SIRT5: variants seen among roughly 807,000 people sequenced by gnomAD.
SIRT5 encodes the protein NAD-dependent protein deacylase sirtuin-5, mitochondrial.
SIRT5 carries 26 observed loss-of-function variants against 40.0 expected under a neutral mutation model. That is an observed-to-expected ratio of 0.65 (90% confidence interval 0.48 to 0.90). SIRT5 has a LOEUF of 0.90. Ranked by LOEUF, SIRT5 falls within the 40% of genes least tolerant of loss-of-function variation. SIRT5 has a pLI of 0.00. For missense variants in SIRT5, 401 were observed against 402.4 expected, an observed-to-expected ratio of 1.00 and a Z score of 0.03; for synonymous variants, 146 against 149.1, an observed-to-expected ratio of 0.98 and a Z score of 0.15.
At chr6:13,584,367 T>C (rs1181322035) in intron 3 of SIRT5, 142 bp downstream of exon 3, 2 of 663,902 alleles carry the variant, frequency 3.0e-6, no homozygotes, top group African/African-American at 3.7e-5. Context: ...TCTTTTTTTT[T>C]TTGAGACGGA....
At chr6:13,606,826 C>T (rs940874015) in intron 9 of SIRT5, among the ~76,000 whole-genome samples, 6 of 152,030 alleles carry the variant, frequency 3.9e-5, no homozygotes, top group South Asian at 4.1e-4. Flanking sequence ...GGATTACAGG[C>T]GTGCACCACC....
In SIRT5 at chr6:13,607,902, C is replaced by T. The variant is rs1444268695; in HGVS notation, c.858-3888C>T. On this transcript the variant is annotated intron_variant, in intron 9 of 9. Coordinates refer to ENST00000606117, the MANE Select transcript of SIRT5 (RefSeq NM_012241.5). The surrounding 1 kb of genome is among the most constrained non-coding windows in gnomAD (Gnocchi z 4.0). ...CCAAGCAGCTAGGACTACAGGCGTG[C>T]GCCACCACACCCAGCTAATTTTTTG... Among the ~76,000 whole-genome samples the T allele has an allele frequency of 2.6e-5, 4 of 152,000 alleles. No individual in the cohort carries two copies. Among genetic ancestry groups the T allele is most frequent in the South Asian group, 4.1e-4 (2 of 4,826 alleles).
chr6:13,589,967 G>A (rs1484304695), intron 4 of SIRT5, among the ~76,000 whole-genome samples: 1 of 152,204 alleles, frequency 6.6e-6, no homozygotes, highest in Non-Finnish European at 1.5e-5. Context: ...CAGGCCATGT[G>A]TTCTAGGTGA....
chr6:13,587,674 C>T (rs757258403), intron 3 of SIRT5, among the ~76,000 whole-genome samples: 7 of 152,234 alleles, frequency 4.6e-5, no homozygotes, highest in East Asian at 1.9e-4. Flanking sequence ...TACTTCCTCT[C>T]GTGTTATTCT....
intron 9 of SIRT5, chr6:13,605,392 G>A: frequency 1.0e-6 from 1 of 985,100 alleles, no homozygotes; most frequent in Non-Finnish European, 1.2e-6. Flanking sequence ...TCTAACCCCT[G>A]CTCTAGGTTA....
intron 9 of SIRT5, chr6:13,605,336 G>A: frequency 1.1e-6 from 1 of 937,986 alleles, no homozygotes; most frequent in Non-Finnish European, 1.3e-6. Flanking sequence ...TGGCTGGTCT[G>A]CAAAGCCTAA....
At chr6:13,583,754 A>T (rs1432443385) in intron 2 of SIRT5, among the ~76,000 whole-genome samples, 1 of 152,230 alleles carries the variant, frequency 6.6e-6, no homozygotes, top group Non-Finnish European at 1.5e-5. Context: ...TCTGAGGTGG[A>T]ACCAGAGGCT....
chr6:13,593,679 TA>T (rs952327780), intron 5 of SIRT5, among the ~76,000 whole-genome samples: 1 of 152,236 alleles, frequency 6.6e-6, no homozygotes, highest in African/African-American at 2.4e-5. Context: ...ATCATGTTTT[TA>T]ATGTGGCATT....
intron 4 of SIRT5, among the ~76,000 whole-genome samples, chr6:13,590,543 G>A (rs1482283872): frequency 7.2e-6 from 1 of 137,982 alleles, no homozygotes; most frequent in East Asian, 2.0e-4. Flanking sequence ...GTGTGTGTAT[G>A]TAGATGTAAT....
At chr6:13,605,557 C>T in intron 9 of SIRT5, 1 of 985,378 alleles carries the variant, frequency 1.0e-6, no homozygotes, top group African/African-American at 1.7e-5. Context: ...GATTCTTTGC[C>T]CCAGTTCTAA....
At position 13,611,783 on chromosome 6, in the gene SIRT5, C is replaced by A. The variant is rs773877276; in HGVS notation, c.858-7C>A. The A allele has an allele frequency of 6.2e-7, 1 of 1,607,654 alleles. No homozygotes were observed. On this transcript the variant is annotated splice_region_variant and splice_polypyrimidine_tract_variant and intron_variant, in intron 9 of 9. Transcript: ENST00000606117. The stretch of plus-strand genomic sequence containing the variant: ...CAAAACTGCTGTATTTGCTTCTTCT[C>A]TTTCAGGTTTCATTTCCAGGGACCC...
At chr6:13,591,553 C>T in intron 4 of SIRT5, 116 bp from the exon 5 acceptor site, 1 of 836,200 alleles carries the variant, frequency 1.2e-6, no homozygotes, top group Non-Finnish European at 1.8e-6. Context: ...CCATCTCCAG[C>T]CTGCACCTTC....
In SIRT5 at chr6:13,615,128, T is replaced by G. The variant is rs1562288361; in HGVS notation, c.*3263T>G. 2 of 495,080 alleles carry G rather than the reference T, an allele frequency of 4.0e-6. No homozygotes were observed. Among genetic ancestry groups the G allele is most frequent in the East Asian group, 6.6e-5 (2 of 30,226 alleles). 30.7% of individuals were successfully genotyped at this position (495,080 alleles called of 1,614,324 possible). A position where few individuals can be genotyped will look rare whatever the true frequency, so the allele number is the denominator to read the frequency against. On this transcript the variant is annotated 3_prime_UTR_variant, in exon 10 of 10. Transcript: ENST00000606117. ...GAAATCAACCCCATTGCCAGCCGCT[T>G]TCGCCGGCAGAGCATTTTCCGTGGG...
chr6:13,590,909 A>G (rs1760798966), intron 4 of SIRT5, among the ~76,000 whole-genome samples: 2 of 148,678 alleles, frequency 1.3e-5, no homozygotes, highest in Admixed American at 1.3e-4. Flanking sequence ...GTGTTTAGCT[A>G]TGTGTGTGCA....
In SIRT5 at chr6:13,588,461, C is replaced by T. The variant is rs1342409939; in HGVS notation, c.246C>T (p.Ala82=). 1.9e-6 allele frequency: 3 copies of T among 1,612,930 alleles called. No individual in the cohort carries two copies. Among genetic ancestry groups the T allele is most frequent in the Non-Finnish European group, 2.5e-6 (3 of 1,179,724 alleles). Residue 82 remains alanine, a synonymous_variant, in exon 4 of 10, where the codon GCC becomes GCT. Transcript: ENST00000606117. ...GAGGTTATTGGAGAAAATGGCAAGC[C>T]CAGGTTTGTAAAGTTTCCAGAACAT... ...GAGGYWRKWQ[A]QDLATPLAFA... is the part of the protein sequence containing the mutation.
intron 9 of SIRT5, chr6:13,605,087 A>T: frequency 2.0e-6 from 2 of 986,028 alleles, no homozygotes; most frequent in Non-Finnish European, 2.4e-6. Context: ...AGCAATTGAG[A>T]GGACTGTTTA....
chr6:13,594,748 T>G (rs1315422410), intron 5 of SIRT5, among the ~76,000 whole-genome samples: 1 of 152,260 alleles, frequency 6.6e-6, no homozygotes, highest in African/African-American at 2.4e-5. Flanking sequence ...GAGCAGCGCA[T>G]GTCCACTAGG....
intron 9 of SIRT5, among the ~76,000 whole-genome samples, chr6:13,601,854 AAAAG>A (rs1247235244): frequency 1.3e-5 from 2 of 151,878 alleles, no homozygotes; most frequent in Admixed American, 1.3e-4. Flanking sequence ...AAAAAAAGAA[AAAAG>A]AAAGAAAAGG....
intron 9 of SIRT5, among the ~76,000 whole-genome samples, chr6:13,602,270 C>G (rs1196001023): frequency 2.6e-5 from 4 of 152,074 alleles, no homozygotes; most frequent in African/African-American, 4.8e-5. Flanking sequence ...TATGAAAATG[C>G]AAGGGACCCA....
Sources: allele counts gnomAD v4.1 joint callset (sites outside exome capture counted in the v4.1 genomes callset), GRCh38; gene constraint gnomAD v4.1.1; non-coding constraint Gnocchi (gnomAD v3.1); transcripts MANE v1.5; gene names NCBI Gene and HGNC (gene_info 2026-07-23, HGNC 2026-07-21).